The following TLE1 variants were observed in gnomAD, a reference collection of about 807,000 sequenced individuals.
The protein encoded by TLE1 is TLE family member 1, transcriptional corepressor, also known as transducin-like enhancer protein 1.
A neutral mutation model predicts 89.8 loss-of-function variants in TLE1; 21 were observed. The observed-to-expected ratio is 0.23, with a 90% confidence interval of 0.17 to 0.34. The LOEUF is 0.34. TLE1 is among the 10% of genes least tolerant of loss of function. TLE1 has a pLI of 1.00. For synonymous variants in TLE1, 447 were observed against 407.6 expected, an observed-to-expected ratio of 1.10 and a Z score of -1.16; for missense variants, 795 against 1,031.2, an observed-to-expected ratio of 0.77 and a Z score of 3.14.
chr9:81,651,282 C>T (rs985320179), intron 6 of TLE1, among the ~76,000 whole-genome samples: 13 of 152,272 alleles, frequency 8.5e-5, no homozygotes, highest in African/African-American at 2.9e-4. Context: ...GTTTCAGCTC[C>T]TTCTTTGGCT....
In TLE1 at chr9:81,688,605, C is replaced by G. The variant is rs1834676799; in HGVS notation, c.-365G>C. 8.1e-6 allele frequency: 2 copies of G among 247,088 alleles called. No homozygotes were observed. Among genetic ancestry groups the G allele is most frequent in the Non-Finnish European group, 7.6e-6 (1 of 130,760 alleles). 15.3% of individuals were successfully genotyped at this position (247,088 alleles called of 1,614,324 possible). A position where few individuals can be genotyped will look rare whatever the true frequency, so the allele number is the denominator to read the frequency against. On this transcript the variant is annotated 5_prime_UTR_variant, in exon 1 of 20. Coordinates refer to ENST00000376499, the MANE Select transcript of TLE1 (RefSeq NM_005077.5). ...GGGCGCGGTGACTCCGACCGCACTCCCCTCGGCGATCCGCGTGCGCGGCGC... is the reference window on the plus strand; with the variant it reads ...GGGCGCGGTGACTCCGACCGCACTCGCCTCGGCGATCCGCGTGCGCGGCGC...
chr9:81,657,406 T>C (rs933980486), intron 4 of TLE1, among the ~76,000 whole-genome samples: 1 of 152,240 alleles, frequency 6.6e-6, no homozygotes, highest in Non-Finnish European at 1.5e-5. Context: ...TAGTGTGCTA[T>C]GGCTGCACTT....
chr9:81,671,398 G>C (rs1313096773), intron 4 of TLE1, among the ~76,000 whole-genome samples: 1 of 151,896 alleles, frequency 6.6e-6, no homozygotes, highest in Non-Finnish European at 1.5e-5. Context: ...TGTAATCCTA[G>C]CACTTTGGGA....
At chr9:81,584,378 A>G (rs1179256424) in intron 19 of TLE1, 70 bp downstream of exon 19, 10 of 1,608,044 alleles carry the variant, frequency 6.2e-6, no homozygotes, top group Non-Finnish European at 8.5e-6. Flanking sequence ...CCTCGGAGGC[A>G]CCTTCACTCC....
intron 4 of TLE1, among the ~76,000 whole-genome samples, chr9:81,677,292 G>C (rs565076474): frequency 6.6e-6 from 1 of 150,412 alleles, no homozygotes; most frequent in Non-Finnish European, 1.5e-5. Context: ...CAGGCCGGGC[G>C]CAGTGGCTCA....
chr9:81,584,597 A>G, intron 18 of TLE1, 73 bp from the exon 19 acceptor site: 2 of 1,389,172 alleles, frequency 1.4e-6, no homozygotes, highest in East Asian at 2.3e-5. Context: ...ACTTGGACTT[A>G]ATCAAACTAA....
intron 4 of TLE1, among the ~76,000 whole-genome samples, chr9:81,657,952 T>C (rs1208977015): frequency 6.9e-6 from 1 of 145,950 alleles, no homozygotes; most frequent in Non-Finnish European, 1.5e-5. Flanking sequence ...CTCTGTCACC[T>C]AGGCTGGAGT....
At chr9:81,670,158 T>C (rs1227892986) in intron 4 of TLE1, among the ~76,000 whole-genome samples, 1 of 152,226 alleles carries the variant, frequency 6.6e-6, no homozygotes, top group Non-Finnish European at 1.5e-5. Context: ...CAATCAAATT[T>C]ACAGTCCTCC....
intron 4 of TLE1, among the ~76,000 whole-genome samples, chr9:81,672,049 G>C (rs1471308226): frequency 6.6e-6 from 1 of 152,124 alleles, no homozygotes; most frequent in African/African-American, 2.4e-5. Flanking sequence ...TTCCCCTACA[G>C]ATCCTCAGGG....
intron 6 of TLE1, 102 bp downstream of exon 6, chr9:81,652,112 C>T: frequency 9.8e-7 from 1 of 1,022,510 alleles, no homozygotes. Context: ...AAGATACACA[C>T]ACACACACAC....
intron 6 of TLE1, among the ~76,000 whole-genome samples, chr9:81,635,443 C>T (rs1218539324): frequency 6.6e-6 from 1 of 152,142 alleles, no homozygotes; most frequent in Non-Finnish European, 1.5e-5. Flanking sequence ...AGTATCATTG[C>T]TCTTATACAT....
At chr9:81,594,809 A>T (rs1406493923) in intron 14 of TLE1, among the ~76,000 whole-genome samples, 1 of 152,216 alleles carries the variant, frequency 6.6e-6, no homozygotes, top group Non-Finnish European at 1.5e-5. Flanking sequence ...AAAGTAACTT[A>T]GCAAGCACAA....
intron 6 of TLE1, among the ~76,000 whole-genome samples, chr9:81,641,578 A>C (rs1828123245): frequency 6.6e-6 from 1 of 152,214 alleles, no homozygotes; most frequent in African/African-American, 2.4e-5. Context: ...AATAGTACAA[A>C]AATTAAAAAA....
In TLE1 at chr9:81,587,246, AGAG is replaced by A. The variant is rs369612362; in HGVS notation, c.1977+432_1977+434del. 2.2e-4 allele frequency among the ~76,000 whole-genome samples: 33 copies of A among 152,310 alleles called. 1 individual carries two copies. Among genetic ancestry groups the A allele is most frequent in the African/African-American group, 7.9e-4 (33 of 41,576 alleles). On this transcript the variant is annotated intron_variant, in intron 17 of 19. Coordinates refer to ENST00000376499, the MANE Select transcript of TLE1 (RefSeq NM_005077.5). ...GTGCGGGGTAAATAAATGAACTTTC[AGAG>A]GAGCTGTGACTTTTCTCTACTCTTA...
At chr9:81,592,361 GA>G (rs1450030747) in intron 15 of TLE1, among the ~76,000 whole-genome samples, 2 of 151,892 alleles carry the variant, frequency 1.3e-5, no homozygotes, top group African/African-American at 2.4e-5. Context: ...CCGTCTCAAA[GA>G]AAAAAGAAAA....
Position 81,610,251 on chromosome 9 carries a change from G to T in TLE1, c.1300C>A (p.Pro434Thr). 1.2e-6 allele frequency: 2 copies of T among 1,614,050 alleles called. No homozygotes were observed. Among genetic ancestry groups the T allele is most frequent in the Non-Finnish European group, 1.7e-6 (2 of 1,180,012 alleles). ...CCCCCAGGGATTCCTGCCAGGTTTG[G>T]AGGAATGGTAGGTACTCTCATGTGA... Reference protein sequence around the residue: ...PPHMRVPTIPPNLAGIPGGKP... With the variant: ...PPHMRVPTIPTNLAGIPGGKP... The change falls in exon 14 of 20, where the codon CCA (proline) becomes ACA (threonine). Residue 434 changes from proline to threonine, a missense_variant. Coordinates refer to ENST00000376499, the MANE Select transcript of TLE1 (RefSeq NM_005077.5).
intron 4 of TLE1, among the ~76,000 whole-genome samples, chr9:81,662,361 TTGTGTGTGTGTGTGTG>T (rs371936084): frequency 3.5e-4 from 49 of 138,468 alleles, no homozygotes; most frequent in East Asian, 1.5e-3. Context: ...TGTGCCTGTT[TTGTGTGTGTGTGTGTG>T]TGTGTGTGTG....
intron 5 of TLE1, 83 bp downstream of exon 5, chr9:81,653,891 T>C (rs1829852605): frequency 3.1e-6 from 4 of 1,303,384 alleles, no homozygotes; most frequent in African/African-American, 2.9e-5. Context: ...TTCCTTGTGA[T>C]AAAATTAACA....
chr9:81,617,979 T>G (rs930537163), intron 9 of TLE1, among the ~76,000 whole-genome samples: 3 of 152,084 alleles, frequency 2.0e-5, no homozygotes, highest in African/African-American at 7.2e-5. Flanking sequence ...GAGCCGAGAT[T>G]GTGCCATTGC....
Sources: allele counts gnomAD v4.1 joint callset (sites outside exome capture counted in the v4.1 genomes callset), GRCh38; gene constraint gnomAD v4.1.1; transcripts MANE v1.5; gene names NCBI Gene and HGNC (gene_info 2026-07-23, HGNC 2026-07-21).